The following NUP153 variants were observed in gnomAD, a reference collection of about 807,000 sequenced individuals.
NUP153 encodes nucleoporin 153.
A neutral mutation model predicts 134.6 loss-of-function variants in NUP153; 27 were observed. The observed-to-expected ratio is 0.20, with a 90% CI of 0.15 to 0.28. The LOEUF (loss-of-function observed/expected upper bound fraction) is 0.28, where lower values mean the gene tolerates loss of function less well. Ranked by LOEUF, NUP153 falls within the 10% of genes least tolerant of loss-of-function variation. NUP153 has a pLI of 1.00. For synonymous variants in NUP153, 640 were observed against 623.5 expected, an observed-to-expected ratio of 1.03 and a Z score of -0.40; for missense variants, 1,821 against 1,731.3, an observed-to-expected ratio of 1.05 and a Z score of -0.92.
intron 2 of NUP153, among the ~76,000 whole-genome samples, chr6:17,684,862 G>A (rs1768815137): frequency 6.6e-6 from 1 of 152,216 alleles, no homozygotes; most frequent in African/African-American, 2.4e-5. Flanking sequence ...AGTTGGTGGA[G>A]CAGCTGGAAC....
intron 1 of NUP153, among the ~76,000 whole-genome samples, chr6:17,694,660 AAAAAG>A (rs889839514): frequency 6.6e-5 from 10 of 150,914 alleles, no homozygotes; most frequent in East Asian, 2.0e-4. Flanking sequence ...CCGTCTCACA[AAAAAG>A]AAAAGAAAAG....
At chr6:17,674,201 C>G (rs1331077196) in intron 5 of NUP153, among the ~76,000 whole-genome samples, 1 of 152,004 alleles carries the variant, frequency 6.6e-6, no homozygotes, top group East Asian at 1.9e-4. Context: ...CATAAGGTAA[C>G]GTTTTGGGGT....
chr6:17,689,240 A>G (rs1246533043), intron 1 of NUP153, among the ~76,000 whole-genome samples: 1 of 152,000 alleles, frequency 6.6e-6, no homozygotes, highest in Non-Finnish European at 1.5e-5. Flanking sequence ...ACAAAAAATT[A>G]GCAGGGCATG....
At chr6:17,686,951 G>A (rs1402801115) in intron 2 of NUP153, among the ~76,000 whole-genome samples, 1 of 151,596 alleles carries the variant, frequency 6.6e-6, no homozygotes, top group African/African-American at 2.4e-5. Context: ...TATTTCTCTA[G>A]GTTTAAAAAT....
chr6:17,655,137 C>A (rs1007921186), intron 11 of NUP153, among the ~76,000 whole-genome samples: 7 of 152,152 alleles, frequency 4.6e-5, no homozygotes, highest in African/African-American at 1.4e-4. Flanking sequence ...ACAACACACA[C>A]AAAAAAACTC....
chr6:17,649,064 C>A, intron 12 of NUP153, 99 bp downstream of exon 12: 1 of 1,104,892 alleles, frequency 9.1e-7, no homozygotes, highest in Non-Finnish European at 1.3e-6. Flanking sequence ...TATTAATTTC[C>A]ATAATGAAAA....
chr6:17,699,425 G>A (rs980085322), intron 1 of NUP153, among the ~76,000 whole-genome samples: 1 of 150,068 alleles, frequency 6.7e-6, no homozygotes, highest in Non-Finnish European at 1.5e-5. Context: ...GGAGGTTGCA[G>A]TGAGCCGAAA....
At chr6:17,620,073 G>C (rs1473424494) in intron 20 of NUP153, among the ~76,000 whole-genome samples, 1 of 133,760 alleles carries the variant, frequency 7.5e-6, no homozygotes, top group Non-Finnish European at 1.5e-5. Context: ...ACTCCAGCCT[G>C]GGCAACAGAG....
rs1483318215 is a variant in NUP153, at chr6:17,674,945, G to A, written c.812C>T (p.Ala271Val). 6.2e-7 allele frequency: 1 copy of A among 1,613,738 alleles called. No individual in the cohort carries two copies. The change falls in exon 5 of 22, where the codon GCT (alanine) becomes GTT (valine). Residue 271 changes from alanine to valine, a missense_variant. Transcript: ENST00000262077. The stretch of plus-strand genomic sequence containing the variant: ...TCGTAGTTTAGACTGTCTTACAGCA[G>A]CTGCTGCCCCACCGTATGTTGTTTT... Reference protein sequence around the residue: ...PGKTTYGGAAAAVRQSKLRNT... With the variant: ...PGKTTYGGAAVAVRQSKLRNT...
chr6:17,679,104 A>G (rs1749018521), intron 2 of NUP153, among the ~76,000 whole-genome samples: 1 of 152,182 alleles, frequency 6.6e-6, no homozygotes, highest in Admixed American at 6.6e-5. Context: ...ACAACATAAT[A>G]AAGTAAAAAA....
intron 8 of NUP153, among the ~76,000 whole-genome samples, chr6:17,667,818 T>G (rs949415458): frequency 1.3e-5 from 2 of 152,204 alleles, no homozygotes; most frequent in African/African-American, 4.8e-5. Context: ...TAACCCAAAC[T>G]ATCAAACATT....
At chr6:17,703,218 A>C (rs1770244484) in intron 1 of NUP153, among the ~76,000 whole-genome samples, 1 of 150,922 alleles carries the variant, frequency 6.6e-6, no homozygotes, top group Non-Finnish European at 1.5e-5. Flanking sequence ...AAAAAAATTA[A>C]AAAAAAAATA....
chr6:17,618,567 T>C (rs1463881700), intron 20 of NUP153, among the ~76,000 whole-genome samples: 4 of 98,430 alleles, frequency 4.1e-5, no homozygotes, highest in East Asian at 4.3e-4. Flanking sequence ...TCTCTCTTTT[T>C]TTTTTTTTTT....
At chr6:17,616,767 T>G in intron 20 of NUP153, 72 bp from the exon 21 acceptor site, 1 of 1,437,502 alleles carries the variant, frequency 7.0e-7, no homozygotes, top group Non-Finnish European at 9.6e-7. Flanking sequence ...GTTTGTTTTT[T>G]GAGACGGAGT....
chr6:17,692,507 T>G (rs1287466136), intron 1 of NUP153, among the ~76,000 whole-genome samples: 1 of 152,026 alleles, frequency 6.6e-6, no homozygotes, highest in Non-Finnish European at 1.5e-5. Context: ...GAGACCCTGT[T>G]TCTAAAAACA....
chr6:17,625,889 C>G lies in NUP153; in HGVS notation c.3820G>C (p.Val1274Leu). 1 of 1,614,204 alleles carries G rather than the reference C, an allele frequency of 6.2e-7. No homozygotes were observed. Among genetic ancestry groups the G allele is most frequent in the Non-Finnish European group, 8.5e-7 (1 of 1,180,036 alleles). ...SSTGTAVTPF[V>L]FGPGASSNNT... ...TTACTGCTGGCTCCTGGACCAAAGACAAATGGGGTGACAGCTGTACCTGTG... is the reference window on the plus strand; with the variant it reads ...TTACTGCTGGCTCCTGGACCAAAGAGAAATGGGGTGACAGCTGTACCTGTG... The change falls in exon 19 of 22, where the codon GTC (valine) becomes CTC (leucine). Residue 1274 changes from valine to leucine, a missense_variant. Physicochemically the swap from Val to Leu is conservative, Grantham distance 32. Coordinates refer to ENST00000262077, the MANE Select transcript of NUP153 (RefSeq NM_005124.4). This position sits in a 1 kb window ranked among gnomAD's most constrained non-coding sequence, Gnocchi z 4.7.
At chr6:17,703,211 A>T (rs1443709580) in intron 1 of NUP153, among the ~76,000 whole-genome samples, 2 of 150,114 alleles carry the variant, frequency 1.3e-5, no homozygotes, top group Admixed American at 6.6e-5. Flanking sequence ...AAAAAAAAAA[A>T]AAATTAAAAA....
intron 11 of NUP153, among the ~76,000 whole-genome samples, chr6:17,658,817 G>A (rs182569317): frequency 9.9e-5 from 15 of 152,122 alleles, no homozygotes; most frequent in East Asian, 5.8e-4. Flanking sequence ...AACCGGTTAC[G>A]ACCAGCTCAG....
At chr6:17,678,595 T>C (rs577556110) in intron 2 of NUP153, among the ~76,000 whole-genome samples, 3 of 152,196 alleles carry the variant, frequency 2.0e-5, no homozygotes, top group African/African-American at 7.2e-5. Flanking sequence ...TTTTGTGATG[T>C]GCTGCTAGAC....
Sources: allele counts gnomAD v4.1 joint callset (sites outside exome capture counted in the v4.1 genomes callset), GRCh38; gene constraint gnomAD v4.1.1; non-coding constraint Gnocchi (gnomAD v3.1); transcripts MANE v1.5; gene names NCBI Gene and HGNC (gene_info 2026-07-23, HGNC 2026-07-21).